RBL1: variants seen among roughly 807,000 people sequenced by gnomAD.
The protein encoded by RBL1 is retinoblastoma-like protein 1.
RBL1 carries 82 observed loss-of-function variants against 123.0 expected under a neutral mutation model. The observed-to-expected ratio is 0.67, with a 90% confidence interval of 0.56 to 0.80. RBL1 has a LOEUF of 0.80. RBL1 is among the 30% of genes least tolerant of loss of function. The pLI is 0.00. For missense variants in RBL1, 1,171 were observed against 1,299.6 expected (o/e 0.90, Z 1.52); for synonymous variants, 405 against 441.3 (o/e 0.92, Z 1.03).
At chr20:37,085,544 G>T (rs2065528954) in intron 2 of RBL1, among the ~76,000 whole-genome samples, 1 of 151,546 alleles carries the variant, frequency 6.6e-6, no homozygotes, top group African/African-American at 2.4e-5. Context: ...CTTTACCGTT[G>T]TAACCACTGT....
At position 37,088,926 on chromosome 20, in the gene RBL1, A is replaced by G. The variant is rs116098169; in HGVS notation, c.290+63T>C. The stretch of plus-strand genomic sequence containing the variant: ...AAATGAAGTCAAATGATCTCAAAAC[A>G]AGAGAAAACTGATTCCAAAATTTAG... On this transcript the variant is annotated intron_variant, in intron 2 of 21. Transcript: ENST00000373664. 2.1e-3 allele frequency: 2,487 copies of G among 1,169,300 alleles called. 43 individuals carry two copies. The African/African-American group carries it at 0.036, about 17-fold the overall frequency. The allele number at this position is 1,169,300 out of a possible 1,614,324, so 72.4% of individuals were successfully genotyped here. A position where few individuals can be genotyped will look rare whatever the true frequency, so the allele number is the denominator to read the frequency against.
intron 3 of RBL1, 133 bp downstream of exon 3, chr20:37,067,853 A>T: frequency 1.0e-6 from 1 of 1,002,874 alleles, no homozygotes; most frequent in Non-Finnish European, 1.4e-6. Flanking sequence ...GGATAATTGT[A>T]CATGGATTTA....
At chr20:37,003,167 C>G (rs2064015099) in intron 21 of RBL1, among the ~76,000 whole-genome samples, 1 of 152,196 alleles carries the variant, frequency 6.6e-6, no homozygotes. Context: ...CCAGTTTATA[C>G]TGATTCTGAC....
chr20:37,012,396 C>G (rs939677948), intron 19 of RBL1, among the ~76,000 whole-genome samples: 2 of 151,320 alleles, frequency 1.3e-5, no homozygotes, highest in Non-Finnish European at 2.9e-5. Flanking sequence ...TCTGCCCGGC[C>G]GCCATCCCAT....
rs570740657 is a variant in RBL1 at position 37,095,017 on chromosome 20, T to G, written c.156+756A>C. Among the ~76,000 whole-genome samples the G allele has an allele frequency of 1.2e-4, 18 of 152,294 alleles. No homozygotes were observed. In the East Asian group the frequency reaches 3.5e-3, roughly 29 times the overall value. ...TATCACCTGGAAAGCAGTCTAATAC[T>G]CATTGCCATGCCATGTTCACAGGGC... On this transcript the variant is annotated intron_variant, in intron 1 of 21. Coordinates refer to ENST00000373664, the MANE Select transcript of RBL1 (RefSeq NM_002895.5).
intron 14 of RBL1, among the ~76,000 whole-genome samples, chr20:37,038,814 GC>G (rs2064674154): frequency 6.6e-6 from 1 of 151,532 alleles, no homozygotes; most frequent in Non-Finnish European, 1.5e-5. Context: ...TGTTGGCCAG[GC>G]TGGTCTCAAA....
At chr20:37,076,830 T>C (rs1183983741) in intron 2 of RBL1, among the ~76,000 whole-genome samples, 1 of 152,174 alleles carries the variant, frequency 6.6e-6, no homozygotes, top group Non-Finnish European at 1.5e-5. Flanking sequence ...TTTTATCTCT[T>C]AAACTTTTCA....
chr20:37,007,018 G>C (rs1395983448), intron 20 of RBL1, among the ~76,000 whole-genome samples: 1 of 151,804 alleles, frequency 6.6e-6, no homozygotes, highest in Non-Finnish European at 1.5e-5. Flanking sequence ...AGGCTGAGGT[G>C]GGTAGATTGC....
chr20:37,073,103 G>A (rs1342486317), intron 2 of RBL1, among the ~76,000 whole-genome samples: 1 of 152,042 alleles, frequency 6.6e-6, no homozygotes, highest in Non-Finnish European at 1.5e-5. Flanking sequence ...CCACAGGTAT[G>A]TGCCCCCACA....
chr20:37,020,596 A>T, intron 18 of RBL1, 63 bp downstream of exon 18: 6 of 1,118,780 alleles, frequency 5.4e-6, no homozygotes, highest in Non-Finnish European at 6.4e-6. Context: ...TACCTTTTAT[A>T]TAACTTGTCA....
intron 16 of RBL1, among the ~76,000 whole-genome samples, chr20:37,023,443 GCTCAGAAGT>G (rs1171389494): frequency 2.6e-5 from 4 of 152,058 alleles, no homozygotes; most frequent in Non-Finnish European, 4.4e-5. Context: ...ATTTTTCAAA[GCTCAGAAGT>G]CTCTGTCTAT....
rs566752270 is a variant in RBL1, at chr20:37,024,907, G to A, written c.2383-2081C>T. ...GAGGAGAGAAGCCAGTAAAGGTGGT[G>A]AAAAGAGCAAGACTCTCCCTCAACC... On this transcript the variant is annotated intron_variant, in intron 16 of 21. Transcript: ENST00000373664. 3.9e-5 allele frequency among the ~76,000 whole-genome samples: 6 copies of A among 152,312 alleles called. No homozygotes were observed. In the South Asian group the frequency reaches 1.2e-3, roughly 32 times the overall value.
intron 2 of RBL1, among the ~76,000 whole-genome samples, chr20:37,079,804 T>C (rs540341720): frequency 1.3e-5 from 2 of 152,266 alleles, no homozygotes; most frequent in South Asian, 4.1e-4. Context: ...GGTTTCTATA[T>C]GTAAGCTACT....
chr20:37,049,564 G>C (rs2064872184), intron 11 of RBL1: 4 of 756,104 alleles, frequency 5.3e-6, no homozygotes, highest in Admixed American at 3.4e-5. Flanking sequence ...TTATAAGGTA[G>C]ATGAGAACGG....
chr20:37,061,158 T>C lies in RBL1; in HGVS notation c.1195A>G (p.Ser399Gly), dbSNP rs1312394353. ...GCATTTTTCAGACCAGCCACAATAC[T>C]CTGTAACCGGCTCACACTTTGGGTG... Reference protein sequence around the residue: ...SATQSVSRLQSIVAGLKNAPS... With the variant: ...SATQSVSRLQGIVAGLKNAPS... The change falls in exon 9 of 22, where the codon AGT (serine) becomes GGT (glycine). Residue 399 changes from serine (S) to glycine (G), a missense_variant. Physicochemically the swap from Ser to Gly is moderately conservative, Grantham distance 56. Coordinates refer to ENST00000373664, the MANE Select transcript of RBL1 (RefSeq NM_002895.5). 1.2e-5 allele frequency: 20 copies of C among 1,613,732 alleles called. No individual in the cohort carries two copies. The highest frequency in any genetic ancestry group is 1.7e-5 in the Non-Finnish European group (20 of 1,179,826).
At chr20:37,005,958 C>T (rs932965482) in intron 20 of RBL1, among the ~76,000 whole-genome samples, 4 of 129,094 alleles carry the variant, frequency 3.1e-5, no homozygotes, top group Non-Finnish European at 3.1e-5. Flanking sequence ...TGTGGTGGTG[C>T]GATTGTGGCT....
intron 17 of RBL1, chr20:37,021,806 C>A: frequency 5.0e-6 from 1 of 199,998 alleles, no homozygotes; most frequent in African/African-American, 2.3e-5. Flanking sequence ...ACTTCAAACA[C>A]ATGACTCTTG....
chr20:37,029,416 A>G (rs1022012244), intron 16 of RBL1, among the ~76,000 whole-genome samples: 7 of 152,208 alleles, frequency 4.6e-5, no homozygotes, highest in Non-Finnish European at 1.0e-4. Context: ...ATCTGTATAT[A>G]AGTGGACTTG....
intron 13 of RBL1, 31 bp downstream of exon 13, chr20:37,044,055 T>G: frequency 1.5e-6 from 2 of 1,365,732 alleles, no homozygotes; most frequent in Admixed American, 2.5e-5. Flanking sequence ...TTTTTTTTAA[T>G]GATACGATTA....
Sources: gnomAD v4.1 joint callset for allele counts (sites outside exome capture counted in the v4.1 genomes callset) on GRCh38, gnomAD v4.1.1 for gene constraint, MANE v1.5 for transcripts, NCBI Gene and HGNC (gene_info 2026-07-23, HGNC 2026-07-21) for gene names.